Variants in SNX5 observed in about 807,000 individuals in gnomAD.
SNX5 encodes sorting nexin-5.
A neutral mutation model predicts 53.9 loss-of-function variants in SNX5; 31 were observed. That is an observed-to-expected ratio of 0.58 (90% confidence interval 0.43 to 0.78). SNX5 has a LOEUF of 0.78. Among genes scored for constraint, SNX5 ranks in the 30% least tolerant of loss-of-function variants. The pLI, the probability that SNX5 is intolerant of heterozygous loss-of-function variation, is 0.00. For missense variants in SNX5, 471 were observed against 478.8 expected, an observed-to-expected ratio of 0.98 and a Z score of 0.15; for synonymous variants, 168 against 171.1, an observed-to-expected ratio of 0.98 and a Z score of 0.14.
At chr20:17,951,736 C>G in intron 5 of SNX5, 141 bp from the exon 6 acceptor site, 1 of 606,896 alleles carries the variant, frequency 1.6e-6, no homozygotes, top group South Asian at 2.3e-5. Context: ...GCCTTAACCT[C>G]CAAGCTTAAA....
chr20:17,965,751 T>C (rs2035526914), intron 1 of SNX5, among the ~76,000 whole-genome samples: 1 of 151,334 alleles, frequency 6.6e-6, no homozygotes, highest in Admixed American at 6.6e-5. Flanking sequence ...TTTTAGAGTA[T>C]TCACAAATGG....
intron 2 of SNX5, among the ~76,000 whole-genome samples, 160 bp from the exon 3 acceptor site, chr20:17,955,635 C>G (rs1159740794): frequency 6.6e-6 from 1 of 152,200 alleles, no homozygotes; most frequent in Non-Finnish European, 1.5e-5. Context: ...AAAGTCATAG[C>G]TAAGATTCAA....
chr20:17,942,101 C>A lies in SNX5; in HGVS notation c.*256G>T. ...CCCTTTCTTAGTAACTAAAGACGAACTACGGGAGAACCCAGTATTTGGATT... is the reference window on the plus strand; with the variant it reads ...CCCTTTCTTAGTAACTAAAGACGAAATACGGGAGAACCCAGTATTTGGATT... On this transcript the variant is annotated 3_prime_UTR_variant, in exon 13 of 13. Coordinates refer to ENST00000377759, the MANE Select transcript of SNX5 (RefSeq NM_014426.4). The A allele has an allele frequency of 4.7e-6, 2 of 429,258 alleles. No individual in the cohort carries two copies. Among genetic ancestry groups the A allele is most frequent in the Non-Finnish European group, 8.6e-6 (2 of 233,822 alleles). 26.6% of individuals were successfully genotyped at this position (429,258 alleles called of 1,614,324 possible).
rs890919057 is a variant in SNX5 at position 17,956,695 on chromosome 20, A to C, written c.156+238T>G. Among the ~76,000 whole-genome samples, 263 of 129,184 alleles carry C rather than the reference A, an allele frequency of 2.0e-3. 3 individuals are homozygous for C. Among genetic ancestry groups the C allele is most frequent in the African/African-American group, 6.3e-3 (237 of 37,374 alleles). The allele number at this position is 129,184 out of a possible 152,430, so 84.7% of individuals were successfully genotyped here. ...CTCCAAAAAAAAAAAAAAAAAAAAAAAAAAAAAAACAAAAAAACAATGCCC... is the reference window on the plus strand; with the variant it reads ...CTCCAAAAAAAAAAAAAAAAAAAAACAAAAAAAAACAAAAAAACAATGCCC... On this transcript the variant is annotated intron_variant, in intron 2 of 12. Transcript: ENST00000377759.
chr20:17,942,431 G>A (rs200278230), intron 12 of SNX5, 24 bp from the exon 13 acceptor site: 7 of 1,589,128 alleles, frequency 4.4e-6, no homozygotes, highest in African/African-American at 2.7e-5. Flanking sequence ...AGGCAAGGCA[G>A]ACCAGTGAAT....
chr20:17,942,700 C>T (rs749564216), intron 12 of SNX5: 4 of 453,866 alleles, frequency 8.8e-6, no homozygotes, highest in Non-Finnish European at 1.6e-5. Flanking sequence ...ACTGTAACTT[C>T]TTAAGACACT....
chr20:17,950,282 G>A lies in SNX5; in HGVS notation c.715+9C>T. The stretch of plus-strand genomic sequence containing the variant: ...AGCAAAGCTCTGACTAGCGGTAAAT[G>A]ATATTTACTTTTATGAGATCTGGTC... On this transcript the variant is annotated intron_variant, in intron 7 of 12. Transcript: ENST00000377759. The A allele has an allele frequency of 1.2e-6, 2 of 1,605,804 alleles. No individual in the cohort carries two copies. The highest frequency in any genetic ancestry group is 2.2e-5 in the East Asian group (1 of 44,836).
At position 17,951,515 on chromosome 20, in the gene SNX5, A is replaced by G; in HGVS notation, c.594T>C (p.Leu198=). ...KSVVKSADEV[L]FTGVKEVDDF... is the part of the protein sequence containing the mutation. ...GGTCACTTACCTTAACTCCAGTAAA[A>G]AGGACTTCATCAGCACTTTTCACCA... is the stretch of plus-strand genomic sequence containing the variant. The change falls in exon 6 of 13, where the codon CTT becomes CTC. Residue 198 remains leucine (L), a synonymous_variant. Transcript: ENST00000377759. 1 of 1,611,290 alleles carries G rather than the reference A, an allele frequency of 6.2e-7. No individual in the cohort carries two copies. The highest frequency in any genetic ancestry group is 2.2e-5 in the East Asian group (1 of 44,846).
At chr20:17,960,875 A>G (rs1017313932) in intron 1 of SNX5, among the ~76,000 whole-genome samples, 6 of 152,296 alleles carry the variant, frequency 3.9e-5, no homozygotes, top group Admixed American at 1.3e-4. Context: ...AAAATTTTTA[A>G]AAACCTGACT....
At chr20:17,947,829 C>CT (rs34269582) in intron 10 of SNX5, among the ~76,000 whole-genome samples, 184 bp from the exon 11 acceptor site, 11 of 152,110 alleles carry the variant, frequency 7.2e-5, no homozygotes, top group South Asian at 6.2e-4. Context: ...TTGTTGAGAG[C>CT]TTTTTTTAGA....
At chr20:17,944,580 C>T (rs1476118274) in intron 11 of SNX5, 3 of 149,684 alleles carry the variant, frequency 2.0e-5, no homozygotes, top group African/African-American at 4.8e-5. Context: ...GAATCTTGCT[C>T]TGTTGCCCAG....
chr20:17,943,071 C>A lies in SNX5; in HGVS notation c.1164+39G>T, dbSNP rs765311473. 36 of 1,388,478 alleles carry A rather than the reference C, an allele frequency of 2.6e-5. No individual in the cohort carries two copies. The African/African-American group carries it at 3.0e-4, about 12-fold the overall frequency. The allele number at this position is 1,388,478 out of a possible 1,614,324, so 86.0% of individuals were successfully genotyped here. ...AAACTGGGAAATAACTTGGAAAAAACCATAAAAGATGTTGGCTTCATCTGT... is the reference window on the plus strand; with the variant it reads ...AAACTGGGAAATAACTTGGAAAAAAACATAAAAGATGTTGGCTTCATCTGT... On this transcript the variant is annotated intron_variant, in intron 12 of 12. Coordinates refer to ENST00000377759, the MANE Select transcript of SNX5 (RefSeq NM_014426.4).
At chr20:17,942,877 G>T in intron 12 of SNX5, 1 of 431,692 alleles carries the variant, frequency 2.3e-6, no homozygotes, top group Non-Finnish European at 4.1e-6. Flanking sequence ...GGCCAAAATG[G>T]TGAAACCCCA....
At chr20:17,966,989 A>C (rs1056885706) in intron 1 of SNX5, among the ~76,000 whole-genome samples, 1 of 152,202 alleles carries the variant, frequency 6.6e-6, no homozygotes, top group Non-Finnish European at 1.5e-5. Flanking sequence ...AAACAATGTC[A>C]TGTAACTCTC....
rs1431105025 is a variant in SNX5, at chr20:17,943,075, A to G, written c.1164+35T>C. ...TGGGAAATAACTTGGAAAAAACCAT[A>G]AAAGATGTTGGCTTCATCTGTAGAA... On this transcript the variant is annotated intron_variant, in intron 12 of 12. Coordinates refer to ENST00000377759, the MANE Select transcript of SNX5 (RefSeq NM_014426.4). The G allele has an allele frequency of 4.3e-6, 6 of 1,403,814 alleles. No individual in the cohort carries two copies. The East Asian group carries it at 1.4e-4, about 32-fold the overall frequency. 87.0% of individuals were successfully genotyped at this position (1,403,814 alleles called of 1,614,324 possible).
At chr20:17,942,930 A>C in intron 12 of SNX5, 180 bp downstream of exon 12, 1 of 548,554 alleles carries the variant, frequency 1.8e-6, no homozygotes, top group Non-Finnish European at 3.2e-6. Flanking sequence ...AAAATTAGTC[A>C]TGGGTGACAT....
chr20:17,965,546 T>G (rs2035523631), intron 1 of SNX5, among the ~76,000 whole-genome samples: 1 of 151,958 alleles, frequency 6.6e-6, no homozygotes, highest in Non-Finnish European at 1.5e-5. Context: ...GGTGTGTGCC[T>G]GTAGCCCCAG....
At chr20:17,956,667 T>A (rs2035360115) in intron 2 of SNX5, among the ~76,000 whole-genome samples, 2 of 98,248 alleles carry the variant, frequency 2.0e-5, no homozygotes, top group Admixed American at 1.6e-4. Flanking sequence ...ACAATGAGAC[T>A]GTCTCCAAAA....
intron 6 of SNX5, 150 bp downstream of exon 6, chr20:17,951,350 A>T: frequency 3.3e-6 from 2 of 611,862 alleles, no homozygotes; most frequent in Non-Finnish European, 5.9e-6. Context: ...TGAAAATTGA[A>T]TAAGTAGATG....
Sources: allele counts gnomAD v4.1 joint callset (sites outside exome capture counted in the v4.1 genomes callset), GRCh38; gene constraint gnomAD v4.1.1; transcripts MANE v1.5; gene names NCBI Gene and HGNC (gene_info 2026-07-23, HGNC 2026-07-21).